Variants in TTC28 observed in about 807,000 individuals in gnomAD.
The protein encoded by TTC28 is tetratricopeptide repeat domain 28, also known as tetratricopeptide repeat protein 28.
Under a neutral mutation model 198.0 loss-of-function variants are expected in TTC28, and 61 were observed. The observed-to-expected ratio is 0.31, with a 90% CI of 0.25 to 0.38. TTC28 has a LOEUF of 0.38. TTC28 is among the 10% of genes least tolerant of loss of function. TTC28 has a pLI of 1.00. For synonymous variants in TTC28, 1,171 were observed against 1,297.8 expected (o/e 0.90, Z 2.10); for missense variants, 2,678 against 3,164.0 (o/e 0.85, Z 3.69).
At chr22:28,532,942 C>A (rs1281127797) in intron 2 of TTC28, among the ~76,000 whole-genome samples, 2 of 152,184 alleles carry the variant, frequency 1.3e-5, no homozygotes, top group African/African-American at 2.4e-5. Context: ...CAACCCACAG[C>A]CAATGTCATA....
chr22:27,992,788 G>A, intron 18 of TTC28, 125 bp from the exon 19 acceptor site: 1 of 865,358 alleles, frequency 1.2e-6, no homozygotes. Flanking sequence ...GCTCAGCACA[G>A]CTAGACATGT....
intron 5 of TTC28, among the ~76,000 whole-genome samples, chr22:28,165,680 A>G (rs1921848220): frequency 6.6e-6 from 1 of 152,222 alleles, no homozygotes; most frequent in African/African-American, 2.4e-5. Context: ...TGAAGGAAGC[A>G]CTAAATATGG....
At chr22:28,426,508 A>G (rs981956828) in intron 2 of TTC28, among the ~76,000 whole-genome samples, 1 of 152,154 alleles carries the variant, frequency 6.6e-6, no homozygotes, top group African/African-American at 2.4e-5. Flanking sequence ...TTCCTAAAAT[A>G]GTTACATTCT....
intron 6 of TTC28, among the ~76,000 whole-genome samples, chr22:28,152,396 GTAAT>G (rs1354357874): frequency 2.0e-5 from 3 of 151,962 alleles, no homozygotes; most frequent in African/African-American, 7.3e-5. Flanking sequence ...CCTAGCCCAG[GTAAT>G]CCTAGCATGG....
At chr22:28,305,570 T>G (rs886318760) in intron 3 of TTC28, among the ~76,000 whole-genome samples, 1 of 152,166 alleles carries the variant, frequency 6.6e-6, no homozygotes, top group South Asian at 2.1e-4. Context: ...AGATAAAATG[T>G]TGAATGATGC....
intron 13 of TTC28, among the ~76,000 whole-genome samples, chr22:28,023,979 G>A (rs893392458): frequency 6.6e-6 from 1 of 152,106 alleles, no homozygotes; most frequent in African/African-American, 2.4e-5. Flanking sequence ...ATCAGCAGAC[G>A]CGCACTGCTG....
Position 28,168,655 on chromosome 22 carries a change from T to G in TTC28, c.934-5056A>C, listed in dbSNP as rs1020625730. ...TGAAACTGGATCCCTTCCTTACACC[T>G]TATACAAAAATTAATTCAAGATGGA... On this transcript the variant is annotated intron_variant, in intron 5 of 22. Coordinates refer to ENST00000397906, the MANE Select transcript of TTC28 (RefSeq NM_001145418.2). 2.7e-3 allele frequency among the ~76,000 whole-genome samples: 407 copies of G among 152,224 alleles called. 2 individuals are homozygous for G. Among genetic ancestry groups the G allele is most frequent in the Middle Eastern group, 0.01 (3 of 294 alleles).
intron 1 of TTC28, among the ~76,000 whole-genome samples, chr22:28,673,146 G>A (rs550112288): frequency 1.3e-5 from 2 of 152,224 alleles, no homozygotes; most frequent in East Asian, 1.9e-4. Flanking sequence ...AGGCTGAGGC[G>A]GGCGGATCAC....
At chr22:28,030,182 C>T (rs1031416728) in intron 13 of TTC28, 44 bp downstream of exon 13, 22 of 1,547,056 alleles carry the variant, frequency 1.4e-5, no homozygotes, top group Middle Eastern at 1.9e-4. Flanking sequence ...GTGCTCAGAG[C>T]ACCCTGCCCT....
chr22:28,360,438 T>C (rs1373377476), intron 2 of TTC28, among the ~76,000 whole-genome samples: 2 of 152,218 alleles, frequency 1.3e-5, no homozygotes, highest in Non-Finnish European at 2.9e-5. Context: ...TTTACACAAA[T>C]TTAATATTTT....
At chr22:28,294,040 G>A (rs1251334061) in intron 5 of TTC28, among the ~76,000 whole-genome samples, 1 of 152,160 alleles carries the variant, frequency 6.6e-6, no homozygotes, top group Admixed American at 6.5e-5. Context: ...TGTGGTAGCT[G>A]GACATACTCT....
intron 6 of TTC28, 25 bp downstream of exon 6, chr22:28,163,067 C>A (rs1321545283): frequency 2.0e-6 from 3 of 1,517,686 alleles, no homozygotes; most frequent in African/African-American, 1.4e-5. Flanking sequence ...TTGACCTGGG[C>A]TCTTACAGGC....
At chr22:28,099,803 C>A (rs1213179006) in intron 9 of TTC28, among the ~76,000 whole-genome samples, 1 of 152,190 alleles carries the variant, frequency 6.6e-6, no homozygotes, top group Non-Finnish European at 1.5e-5. Context: ...GGAGTGAGAA[C>A]AGGTATGGTG....
intron 2 of TTC28, among the ~76,000 whole-genome samples, chr22:28,526,590 C>T (rs190984082): frequency 6.6e-6 from 1 of 152,218 alleles, no homozygotes; most frequent in East Asian, 1.9e-4. Flanking sequence ...GTCTTACAGG[C>T]CTGAGGAGTT....
At chr22:28,247,942 A>C (rs892098599) in intron 5 of TTC28, among the ~76,000 whole-genome samples, 3 of 152,002 alleles carry the variant, frequency 2.0e-5, no homozygotes, top group Admixed American at 6.5e-5. Context: ...TTTTTAATAC[A>C]AAAAAAATCC....
rs1480856314 is a variant in TTC28, at chr22:28,162,954, GGAAAA to G, written c.1441+133_1441+137del. On this transcript the variant is annotated intron_variant, in intron 6 of 22. Coordinates refer to ENST00000397906, the MANE Select transcript of TTC28 (RefSeq NM_001145418.2). Reference sequence around the variant, plus strand: ...TGAAGACCCTGTCTCAAAAAGAAAAGGAAAAGAAAAGAGCACACACAATAAGGATA... The same window carrying G: ...TGAAGACCCTGTCTCAAAAAGAAAAGGAAAAGAGCACACACAATAAGGATA... 4.9e-6 allele frequency: 6 copies of G among 1,222,162 alleles called. No homozygotes were observed. In the Admixed American group the frequency reaches 8.7e-5, roughly 18 times the overall value. The allele number at this position is 1,222,162 out of a possible 1,614,324, so 75.7% of individuals were successfully genotyped here. A position where few individuals can be genotyped will look rare whatever the true frequency, so the allele number is the denominator to read the frequency against.
intron 2 of TTC28, among the ~76,000 whole-genome samples, chr22:28,392,960 T>A (rs2046757030): frequency 7.5e-6 from 1 of 134,112 alleles, no homozygotes; most frequent in Non-Finnish European, 1.5e-5. Context: ...CACTGCAACC[T>A]CGACCTCCTG....
chr22:28,135,167 A>C (rs1569156855), intron 6 of TTC28, among the ~76,000 whole-genome samples: 1 of 152,078 alleles, frequency 6.6e-6, no homozygotes, highest in South Asian at 2.1e-4. Flanking sequence ...CTGTTGAGTG[A>C]AGTGAGGTAG....
chr22:28,376,221 A>G (rs926534223), intron 2 of TTC28, among the ~76,000 whole-genome samples: 5 of 152,206 alleles, frequency 3.3e-5, no homozygotes, highest in Non-Finnish European at 7.3e-5. Context: ...GTGAGCCAAA[A>G]TGAAATAAAT....
Sources: allele counts gnomAD v4.1 joint callset (sites outside exome capture counted in the v4.1 genomes callset), GRCh38; gene constraint gnomAD v4.1.1; transcripts MANE v1.5; gene names NCBI Gene and HGNC (gene_info 2026-07-23, HGNC 2026-07-21).